NRXN1: variants seen among roughly 807,000 people sequenced by gnomAD.
NRXN1 encodes the protein neurexin 1.
In NRXN1, 39 loss-of-function variants were observed where a neutral mutation model predicts 150.9. The observed-to-expected ratio is 0.26, with a 90% CI of 0.20 to 0.34. NRXN1 has a LOEUF of 0.34. Ranked by LOEUF, NRXN1 falls within the 10% of genes least tolerant of loss-of-function variation. The pLI is 1.00. For missense variants in NRXN1, 1,815 were observed against 1,949.9 expected, an observed-to-expected ratio of 0.93 and a Z score of 1.30; for synonymous variants, 924 against 757.0, an observed-to-expected ratio of 1.22 and a Z score of -3.62.
intron 8 of NRXN1, among the ~76,000 whole-genome samples, chr2:50,605,692 G>A (rs1455963422): frequency 6.6e-6 from 1 of 152,080 alleles, no homozygotes; most frequent in East Asian, 1.9e-4. Context: ...CACTGTTAGT[G>A]AACATGCAAA....
chr2:50,595,172 G>A (rs868001870), intron 8 of NRXN1, among the ~76,000 whole-genome samples: 1 of 152,092 alleles, frequency 6.6e-6, no homozygotes. Flanking sequence ...TGAAATGATG[G>A]TGAGACCTCA....
chr2:50,635,135 C>T (rs1487089498), intron 5 of NRXN1, among the ~76,000 whole-genome samples: 1 of 151,950 alleles, frequency 6.6e-6, no homozygotes, highest in African/African-American at 2.4e-5. Context: ...TCTGGCTGCA[C>T]CGAATGTTGC....
intron 8 of NRXN1, chr2:50,619,549 A>G (rs942374407): frequency 3.3e-5 from 6 of 184,426 alleles, no homozygotes; most frequent in Non-Finnish European, 6.6e-5. Flanking sequence ...GAAGAAAATT[A>G]TGTCATTATA....
At chr2:50,810,462 C>T (rs1410345278) in intron 5 of NRXN1, among the ~76,000 whole-genome samples, 4 of 152,088 alleles carry the variant, frequency 2.6e-5, no homozygotes, top group African/African-American at 7.2e-5. Flanking sequence ...ACACCTGATA[C>T]TTCAAAAACG....
intron 2 of NRXN1, among the ~76,000 whole-genome samples, chr2:51,027,249 G>A (rs1278809236): frequency 6.6e-6 from 1 of 152,194 alleles, no homozygotes; most frequent in Non-Finnish European, 1.5e-5. Context: ...CACTTGGAAG[G>A]GAGTAGTGTT....
chr2:50,718,470 C>A (rs925295780), intron 5 of NRXN1, among the ~76,000 whole-genome samples: 21 of 152,022 alleles, frequency 1.4e-4, no homozygotes, highest in African/African-American at 5.1e-4. Context: ...ATTTAATCCC[C>A]CAAAACAACA....
rs1553609855 is a variant in NRXN1, at chr2:50,434,043, A to ATCTTTT, written c.3364+31398_3364+31399insAAAAGA. 2.6e-4 allele frequency among the ~76,000 whole-genome samples: 19 copies of ATCTTTT among 72,142 alleles called. 3 individuals carry two copies. The highest frequency in any genetic ancestry group is 9.9e-4 in the African/African-American group (18 of 18,176). The allele number at this position is 72,142 out of a possible 152,430, so 47.3% of individuals were successfully genotyped here. ...ACTCCTTGCTTCCGGTATCTAAGCCATTTTTTTTTTTTTTTTTTTTTTTTT... is the reference window on the plus strand; with the variant it reads ...ACTCCTTGCTTCCGGTATCTAAGCCATCTTTTTTTTTTTTTTTTTTTTTTTTTTTTT... On this transcript the variant is annotated intron_variant, in intron 17 of 22. Transcript: ENST00000401669.
At chr2:50,133,530 A>AT (rs1210442855) in intron 18 of NRXN1, among the ~76,000 whole-genome samples, 4 of 152,108 alleles carry the variant, frequency 2.6e-5, no homozygotes, top group Admixed American at 6.5e-5. Context: ...GTCCACAGGG[A>AT]TTTTTTTAAT....
At chr2:50,815,240 C>T (rs1295660464) in intron 5 of NRXN1, among the ~76,000 whole-genome samples, 1 of 152,124 alleles carries the variant, frequency 6.6e-6, no homozygotes, top group Admixed American at 6.6e-5. Context: ...ACAAGACAGA[C>T]ACCGATCTCC....
At chr2:50,298,679 C>T (rs892938785) in intron 17 of NRXN1, among the ~76,000 whole-genome samples, 6 of 152,122 alleles carry the variant, frequency 3.9e-5, no homozygotes, top group African/African-American at 1.4e-4. Context: ...GTTCCTCAGA[C>T]CTGGCTTTTG....
In NRXN1 at chr2:50,297,186, G is replaced by T. The variant is rs1455643524; in HGVS notation, c.3365-60216C>A. On this transcript the variant is annotated intron_variant, in intron 17 of 22. Coordinates refer to ENST00000401669, the MANE Select transcript of NRXN1 (RefSeq NM_001330078.2). ...TTACAGGCGTGAGCCACCGCACCCGGCTGGTTTGATTCTTTTTAATGGCTG... is the reference window on the plus strand; with the variant it reads ...TTACAGGCGTGAGCCACCGCACCCGTCTGGTTTGATTCTTTTTAATGGCTG... Among the ~76,000 whole-genome samples, 8 of 152,190 alleles carry T rather than the reference G, an allele frequency of 5.3e-5. 1 individual carries two copies. The highest frequency in any genetic ancestry group is 4.6e-4 in the Admixed American group (7 of 15,278).
At chr2:50,602,114 G>C (rs955772573) in intron 8 of NRXN1, among the ~76,000 whole-genome samples, 1 of 152,118 alleles carries the variant, frequency 6.6e-6, no homozygotes, top group African/African-American at 2.4e-5. Flanking sequence ...AAGGCCTTAT[G>C]CAAAAGGCTG....
At chr2:50,683,102 G>A (rs1199822149) in intron 5 of NRXN1, among the ~76,000 whole-genome samples, 3 of 152,008 alleles carry the variant, frequency 2.0e-5, no homozygotes, top group African/African-American at 7.3e-5. Flanking sequence ...TATCTTGAAG[G>A]TCTCTATCCT....
chr2:50,878,937 GTTT>G (rs1367825932), intron 5 of NRXN1, among the ~76,000 whole-genome samples: 3 of 151,918 alleles, frequency 2.0e-5, no homozygotes, highest in East Asian at 3.9e-4. Context: ...GTAAAGATTT[GTTT>G]TTTGTTTTTT....
intron 9 of NRXN1, among the ~76,000 whole-genome samples, chr2:50,539,809 G>C (rs140425020): frequency 5.9e-5 from 9 of 152,324 alleles, no homozygotes; most frequent in African/African-American, 2.2e-4. Flanking sequence ...ATTTAGGGAA[G>C]AGACACAAGA....
At chr2:50,248,690 T>C (rs2066743733) in intron 17 of NRXN1, among the ~76,000 whole-genome samples, 1 of 152,190 alleles carries the variant, frequency 6.6e-6, no homozygotes, top group South Asian at 2.1e-4. Context: ...TATGAAATGT[T>C]TTCCAGTCTT....
chr2:50,809,009 T>C (rs1667870443), intron 5 of NRXN1, among the ~76,000 whole-genome samples: 1 of 152,118 alleles, frequency 6.6e-6, no homozygotes, highest in Non-Finnish European at 1.5e-5. Flanking sequence ...ATTCATAATG[T>C]CTCTGGCCTG....
At chr2:49,973,983 G>A (rs1573151505) in intron 21 of NRXN1, 1 of 717,426 alleles carries the variant, frequency 1.4e-6, no homozygotes, top group Non-Finnish European at 2.6e-6. Context: ...AGTTTTCACA[G>A]TGCCATCTCA....
intron 21 of NRXN1, chr2:50,019,247 A>G: frequency 2.1e-6 from 1 of 471,398 alleles, no homozygotes; most frequent in African/African-American, 2.0e-5. Flanking sequence ...TTGTTTTCTT[A>G]TTTGGGTTTT....
Sources: allele counts gnomAD v4.1 joint callset (sites outside exome capture counted in the v4.1 genomes callset), GRCh38; gene constraint gnomAD v4.1.1; transcripts MANE v1.5; gene names NCBI Gene and HGNC (gene_info 2026-07-23, HGNC 2026-07-21).